Variants in POLR1C observed in about 807,000 individuals in gnomAD.
POLR1C encodes the protein RNA polymerase I and III subunit C.
In POLR1C, 42 loss-of-function variants were observed where a neutral mutation model predicts 38.3. The observed-to-expected ratio is 1.10, with a 90% CI of 0.86 to 1.42. The LOEUF (loss-of-function observed/expected upper bound fraction) is 1.42, where lower values mean the gene tolerates loss of function less well. POLR1C is among the 40% of genes most tolerant of loss of function. The pLI, the probability that POLR1C is intolerant of heterozygous loss-of-function variation, is 0.00. For synonymous variants in POLR1C, 163 were observed against 163.9 expected (o/e 0.99, Z 0.04); for missense variants, 507 against 450.5 (o/e 1.13, Z -1.14).
chr6:43,525,993 C>T (rs749415807), downstream of POLR1C: 73 of 1,555,796 alleles, frequency 4.7e-5, no homozygotes, highest in Middle Eastern at 3.7e-4. Context: ...CTGACAGAAG[C>T]GCAAAAAACA....
At chr6:43,555,283 T>C (rs1582231329) in intron 10 of POLR1C, 1 of 152,678 alleles carries the variant, frequency 6.5e-6, no homozygotes, top group South Asian at 2.1e-4. Context: ...TAGCATGCAT[T>C]AAGATGAGAG....
Position 43,521,381 on chromosome 6 carries a change from G to A in POLR1C, c.*81G>A. On this transcript the variant is annotated 3_prime_UTR_variant, in exon 9 of 9. Coordinates refer to ENST00000642195, the MANE Select transcript of POLR1C (RefSeq NM_203290.4). ...AGGACTGCTGAACAGAGAGCCCAGTGTGACTAGGGATCCTGAGTTTTCTGG... is the reference window on the plus strand; with the variant it reads ...AGGACTGCTGAACAGAGAGCCCAGTATGACTAGGGATCCTGAGTTTTCTGG... 1 of 1,607,866 alleles carries A rather than the reference G, an allele frequency of 6.2e-7. No homozygotes were observed. The highest frequency in any genetic ancestry group is 8.5e-7 in the Non-Finnish European group (1 of 1,178,350).
chr6:43,533,860 A>C (rs1437825554), downstream of POLR1C: 4 of 1,428,890 alleles, frequency 2.8e-6, no homozygotes, highest in Non-Finnish European at 3.9e-6. Flanking sequence ...GGGGACATCC[A>C]TTAGGGATAA....
At chr6:43,526,402 T>C (rs920836107), downstream of POLR1C, 1 of 468,718 alleles carries the variant, frequency 2.1e-6, no homozygotes, top group Non-Finnish European at 3.9e-6. Context: ...TTTGATAGGT[T>C]GGTCATGGAC....
chr6:43,523,614 T>C (rs1793338527), downstream of POLR1C: 1 of 716,476 alleles, frequency 1.4e-6, no homozygotes, highest in African/African-American at 1.8e-5. Flanking sequence ...AAAAGCCAAA[T>C]CTCCAAGTAG....
intron 9 of POLR1C, among the ~76,000 whole-genome samples, chr6:43,543,015 A>G (rs1000019455): frequency 6.6e-6 from 1 of 152,216 alleles, no homozygotes; most frequent in Non-Finnish European, 1.5e-5. Flanking sequence ...GAAGTATCAT[A>G]CAAGCAAGGA....
At chr6:43,528,472 CA>C (rs1793738161) in intron 8 of POLR1C, among the ~76,000 whole-genome samples, 1 of 151,968 alleles carries the variant, frequency 6.6e-6, no homozygotes, top group South Asian at 2.1e-4. Flanking sequence ...GGTCTCTAGA[CA>C]TACCTGTTCT....
intron 10 of POLR1C, chr6:43,553,572 A>T (rs923771587): frequency 3.3e-6 from 5 of 1,510,484 alleles, no homozygotes; most frequent in Non-Finnish European, 4.4e-6. Flanking sequence ...GAAAGATCGC[A>T]GAAGACACAG....
chr6:43,526,731 T>G lies in POLR1C; in HGVS notation c.923-2518T>G. On this transcript the variant is annotated intron_variant, in intron 8 of 8. Coordinates refer to the POLR1C transcript ENST00000304004. ...CACTACTGTGGTCAGCACCCTTCTT[T>G]GAAACACAGCAAACCGCTAAAGCAA... The G allele has an allele frequency of 3.1e-6, 5 of 1,613,870 alleles. 1 individual carries two copies. In the South Asian group the frequency reaches 5.5e-5, roughly 18 times the overall value.
At chr6:43,521,539 TTTTTTGA>T (rs1793190952), downstream of POLR1C, 2 of 1,153,580 alleles carry the variant, frequency 1.7e-6, no homozygotes, top group Non-Finnish European at 2.2e-6. Context: ...TTTGAGTTTG[TTTTTTGA>T]GACAGTCTCA....
At chr6:43,548,874 T>G (rs1795093731) in intron 9 of POLR1C, among the ~76,000 whole-genome samples, 1 of 152,092 alleles carries the variant, frequency 6.6e-6, no homozygotes. Context: ...GCATCTGCTT[T>G]TCTCAAGATC....
chr6:43,522,615 T>G (rs765419054), downstream of POLR1C: 5 of 390,228 alleles, frequency 1.3e-5, no homozygotes, highest in Non-Finnish European at 2.8e-5. Flanking sequence ...TCCCAACTTC[T>G]GCTTCCCCAG....
chr6:43,553,548 C>T, intron 10 of POLR1C: 2 of 1,512,192 alleles, frequency 1.3e-6, no homozygotes, highest in South Asian at 1.3e-5. Flanking sequence ...CACACACACA[C>T]AATTATCAGC....
At chr6:43,529,895 C>G (rs1361956608), downstream of POLR1C, among the ~76,000 whole-genome samples, 1 of 139,328 alleles carries the variant, frequency 7.2e-6, no homozygotes, top group African/African-American at 2.8e-5. Context: ...CTGGGTAACA[C>G]TGAGACCCTG....
At chr6:43,523,115 G>A (rs1793298826), downstream of POLR1C, 1 of 165,348 alleles carries the variant, frequency 6.0e-6, no homozygotes, top group Admixed American at 5.6e-5. Flanking sequence ...TCTTGTGCCT[G>A]AGTGGACCTT....
intron 8 of POLR1C, chr6:43,528,848 G>A (rs1176595858): frequency 1.2e-6 from 2 of 1,613,806 alleles, no homozygotes; most frequent in Non-Finnish European, 1.7e-6. Context: ...TAGGTGAAAA[G>A]AGGTCCGAGG....
downstream of POLR1C, chr6:43,531,380 C>T (rs776637316): frequency 7.0e-5 from 76 of 1,089,460 alleles, no homozygotes; most frequent in African/African-American, 2.8e-4. Context: ...ACTCTTGCCT[C>T]GCCTTACCTG....
At chr6:43,530,843 G>A, downstream of POLR1C, 1 of 1,600,104 alleles carries the variant, frequency 6.2e-7, no homozygotes, top group Non-Finnish European at 8.5e-7. Context: ...GGGAAAAAAA[G>A]AGCATTGAAA....
intron 10 of POLR1C, chr6:43,560,265 G>C: frequency 6.2e-7 from 1 of 1,612,140 alleles, no homozygotes; most frequent in Non-Finnish European, 8.5e-7. Flanking sequence ...CATGCCTGAA[G>C]AGGGCTCCCC....
Sources: gnomAD v4.1 joint callset for allele counts (sites outside exome capture counted in the v4.1 genomes callset) on GRCh38, gnomAD v4.1.1 for gene constraint, MANE v1.5 for transcripts, NCBI Gene and HGNC (gene_info 2026-07-23, HGNC 2026-07-21) for gene names.